The following USP8 variants were observed in gnomAD, a reference collection of about 807,000 sequenced individuals.
USP8 encodes the protein ubiquitin specific peptidase 8.
USP8 carries 27 observed loss-of-function variants against 130.0 expected under a neutral mutation model. The ratio of observed to expected loss-of-function variants is 0.21; its 90% CI spans 0.15 to 0.29. The LOEUF is 0.29. Ranked by LOEUF, USP8 falls within the 10% of genes least tolerant of loss-of-function variation. The pLI is 1.00. For synonymous variants in USP8, 392 were observed against 444.1 expected, an observed-to-expected ratio of 0.88 and a Z score of 1.48; for missense variants, 1,029 against 1,312.2, an observed-to-expected ratio of 0.78 and a Z score of 3.33.
At position 50,479,603 on chromosome 15, in the gene USP8, T is replaced by G. The variant is rs151089228; in HGVS notation, c.1219-1878T>G. On this transcript the variant is annotated intron_variant, in intron 10 of 19. Transcript: ENST00000307179. ...TGGAAACAACATTTATTTTTGTTTC[T>G]GTTCCACCTCTTATTGTTAACCTCA... Among the ~76,000 whole-genome samples the G allele has an allele frequency of 1.8e-3, 280 of 152,306 alleles. 1 individual carries two copies. The highest frequency in any genetic ancestry group is 6.4e-3 in the African/African-American group (268 of 41,564).
rs1477646576 is a variant in USP8, at chr15:50,509,013, A to G, written c.*9925A>G. On this transcript the variant is annotated 3_prime_UTR_variant, in exon 20 of 20. Transcript: ENST00000307179. Reference sequence around the variant, plus strand: ...CCTGGGCACGGTGGCGGGCGCCTGTAGTCCCAGCTACTTGGGAGGCTGAGG... The same window carrying G: ...CCTGGGCACGGTGGCGGGCGCCTGTGGTCCCAGCTACTTGGGAGGCTGAGG... 1 of 147,990 alleles carries G rather than the reference A, an allele frequency of 6.8e-6. No individual in the cohort carries two copies. Among genetic ancestry groups the G allele is most frequent in the East Asian group, 2.0e-4 (1 of 5,022 alleles). 9.2% of individuals were successfully genotyped at this position (147,990 alleles called of 1,614,324 possible).
At chr15:50,455,285 C>T (rs2050756036) in intron 4 of USP8, among the ~76,000 whole-genome samples, 1 of 151,068 alleles carries the variant, frequency 6.6e-6, no homozygotes, top group South Asian at 2.2e-4. Context: ...CACCATGTTG[C>T]CCAAACTGGT....
intron 1 of USP8, among the ~76,000 whole-genome samples, chr15:50,434,102 G>A (rs1308846007): frequency 2.1e-5 from 2 of 96,150 alleles, no homozygotes; most frequent in African/African-American, 7.2e-5. Context: ...GAAGCATAAG[G>A]TTTTTTGTTT....
chr15:50,431,448 ACTCCAT>A (rs1344955177), intron 1 of USP8, among the ~76,000 whole-genome samples: 1 of 151,872 alleles, frequency 6.6e-6, no homozygotes, highest in Non-Finnish European at 1.5e-5. Context: ...CCATAATGTG[ACTCCAT>A]CTCCTACATA....
chr15:50,428,675 A>C (rs74808657), intron 1 of USP8, among the ~76,000 whole-genome samples: 20,809 of 152,272 alleles, frequency 0.14, 1,952 homozygotes, highest in Middle Eastern at 0.28. Flanking sequence ...AACTTGTGCA[A>C]CTTGAGGTGT....
At position 50,504,534 on chromosome 15, in the gene USP8, AC is replaced by A. The variant is rs891230689; in HGVS notation, c.*5447del. 1 of 152,182 alleles carries A rather than the reference AC, an allele frequency of 6.6e-6. No individual in the cohort carries two copies. Among genetic ancestry groups the A allele is most frequent in the Non-Finnish European group, 1.5e-5 (1 of 68,086 alleles). The allele number at this position is 152,182 out of a possible 1,614,324, so 9.4% of individuals were successfully genotyped here. A position where few individuals can be genotyped will look rare whatever the true frequency, so the allele number is the denominator to read the frequency against. ...TGAGACCTTGTCTCAAAAAACAAAA[AC>A]AAAAAACACCAGAAAAGACACCATT... On this transcript the variant is annotated 3_prime_UTR_variant, in exon 20 of 20. Coordinates refer to ENST00000307179, the MANE Select transcript of USP8 (RefSeq NM_005154.5).
intron 8 of USP8, among the ~76,000 whole-genome samples, chr15:50,473,804 GTATA>G (rs943537478): frequency 1.1e-4 from 16 of 148,562 alleles, no homozygotes; most frequent in Non-Finnish European, 2.1e-4. Flanking sequence ...GGGCATCTAA[GTATA>G]TATATATATA....
intron 19 of USP8, 33 bp from the exon 20 acceptor site, chr15:50,498,870 A>AATTG (rs2052513956): frequency 1.3e-6 from 2 of 1,566,796 alleles, no homozygotes; most frequent in Non-Finnish European, 1.7e-6. Context: ...ATTTTAACTG[A>AATTG]ATTGATTTTT....
rs1270091071 is a variant in USP8, at chr15:50,477,332, A to C, written c.1051A>C (p.Thr351Pro). The change falls in exon 10 of 20, where the codon ACG (threonine) becomes CCG (proline). Residue 351 changes from threonine (T) to proline (P), a missense_variant. This residue lies in a region of USP8 where 486 missense variants were observed against 522.0 expected (regional missense o/e 0.93). Transcript: ENST00000307179. ...ESIPSKPAAQ[T>P]PPASIEVDEN... ...AATTCCTTCTAAACCTGCTGCCCAG[A>C]CGCCACCTGCATCTATAGAAGTAGA... The C allele has an allele frequency of 1.2e-6, 2 of 1,614,006 alleles. No individual in the cohort carries two copies. Among genetic ancestry groups the C allele is most frequent in the African/African-American group, 2.7e-5 (2 of 74,904 alleles).
intron 1 of USP8, among the ~76,000 whole-genome samples, chr15:50,436,373 C>A (rs2050091796): frequency 6.6e-6 from 1 of 152,014 alleles, no homozygotes; most frequent in Non-Finnish European, 1.5e-5. Flanking sequence ...TCTAGTCATA[C>A]TTAATCTTCT....
In USP8 at chr15:50,494,285, G is replaced by C; in HGVS notation, c.2658+5G>C. On this transcript the variant is annotated splice_donor_5th_base_variant and intron_variant, in intron 16 of 19. Coordinates refer to ENST00000307179, the MANE Select transcript of USP8 (RefSeq NM_005154.5). ...CTCCATGAAGATCTAAATAAAGTAA[G>C]AAATTTGATTTTTCTAAGTTGCAGA... is the stretch of plus-strand genomic sequence containing the variant. The C allele has an allele frequency of 6.3e-7, 1 of 1,591,512 alleles. No individual in the cohort carries two copies. The highest frequency in any genetic ancestry group is 1.1e-5 in the South Asian group (1 of 87,030).
intron 1 of USP8, among the ~76,000 whole-genome samples, chr15:50,436,664 A>AT (rs1283629675): frequency 1.4e-5 from 2 of 146,226 alleles, no homozygotes; most frequent in African/African-American, 5.1e-5. Flanking sequence ...TGCCCAGCTA[A>AT]TTTTTTTTGT....
intron 14 of USP8, among the ~76,000 whole-genome samples, 192 bp from the exon 15 acceptor site, chr15:50,492,509 C>T (rs111229167): frequency 6.6e-6 from 1 of 152,170 alleles, no homozygotes; most frequent in African/African-American, 2.4e-5. Context: ...AGGTCTGAGA[C>T]CTTAGTCGTA....
intron 18 of USP8, chr15:50,497,736 G>A (rs892012738): frequency 1.3e-5 from 2 of 152,050 alleles, no homozygotes; most frequent in African/African-American, 4.8e-5. Context: ...TATAAAACAC[G>A]AACCAGATCT....
At chr15:50,473,669 A>T (rs78866984) in intron 8 of USP8, among the ~76,000 whole-genome samples, 3,194 of 151,370 alleles carry the variant, frequency 0.021, 101 homozygotes, top group African/African-American at 0.073. Flanking sequence ...CTAATTTTTT[A>T]AAATTTTCTA....
In USP8 at chr15:50,449,724, G is replaced by A. The variant is rs953914418; in HGVS notation, c.335+239G>A. On this transcript the variant is annotated intron_variant, in intron 4 of 19. Transcript: ENST00000307179. ...AACCTCCCAAGTAGCTGGGACTATA[G>A]GCACCCACCACCACGCCCGGCTAAT... 9.1e-4 allele frequency among the ~76,000 whole-genome samples: 138 copies of A among 150,906 alleles called. 1 individual carries two copies. Among genetic ancestry groups the A allele is most frequent in the Non-Finnish European group, 1.7e-3 (113 of 67,848 alleles).
In USP8 at chr15:50,506,480, C is replaced by T. The variant is rs1046709878; in HGVS notation, c.*7392C>T. The stretch of plus-strand genomic sequence containing the variant: ...CGGCCCCCATCCATGGGAAAAAAAC[C>T]GCATCAGTGGAAAAATTGTCTTCCA... On this transcript the variant is annotated 3_prime_UTR_variant, in exon 20 of 20. Coordinates refer to ENST00000307179, the MANE Select transcript of USP8 (RefSeq NM_005154.5). 6.6e-6 allele frequency: 1 copy of T among 152,136 alleles called. No homozygotes were observed. Among genetic ancestry groups the T allele is most frequent in the East Asian group, 1.9e-4 (1 of 5,186 alleles). 9.4% of individuals were successfully genotyped at this position (152,136 alleles called of 1,614,324 possible). A position where few individuals can be genotyped will look rare whatever the true frequency, so the allele number is the denominator to read the frequency against.
At position 50,511,691 on chromosome 15, in the gene USP8, C is replaced by A. The variant is rs1350414028; in HGVS notation, c.*12603C>A. The A allele has an allele frequency of 6.6e-6, 1 of 152,230 alleles. No homozygotes were observed. Among genetic ancestry groups the A allele is most frequent in the African/African-American group, 2.4e-5 (1 of 41,458 alleles). 9.4% of individuals were successfully genotyped at this position (152,230 alleles called of 1,614,324 possible). A position where few individuals can be genotyped will look rare whatever the true frequency, so the allele number is the denominator to read the frequency against. ...ACAGAAGGTCATATATTCTATGATTCTGTTTATTAAAATACCCAGAATAGG... is the reference window on the plus strand; with the variant it reads ...ACAGAAGGTCATATATTCTATGATTATGTTTATTAAAATACCCAGAATAGG... On this transcript the variant is annotated 3_prime_UTR_variant, in exon 20 of 20. Transcript: ENST00000307179.
rs1440647526 is a variant in USP8 at position 50,498,637 on chromosome 15, C to T, written c.3080C>T (p.Ser1027Phe). The change falls in exon 19 of 20, where the codon TCT becomes TTT. Residue 1027 changes from serine (S) to phenylalanine (F), a missense_variant. Ser to Phe is a radical substitution (Grantham distance 155). Coordinates refer to ENST00000307179, the MANE Select transcript of USP8 (RefSeq NM_005154.5). ...DGRWKQKLQT[S>F]VDFPLENLDL... The stretch of plus-strand genomic sequence containing the variant: ...AGGTGGAAACAAAAATTACAGACAT[C>T]TGTGGACTTCCCGTTAGAAAATCTT... 6.2e-7 allele frequency: 1 copy of T among 1,612,632 alleles called. No individual in the cohort carries two copies. The highest frequency in any genetic ancestry group is 1.7e-5 in the Admixed American group (1 of 59,932).
Sources: gnomAD v4.1 joint callset for allele counts (sites outside exome capture counted in the v4.1 genomes callset) on GRCh38, gnomAD v4.1.1 for gene constraint, gnomAD v4.1.1 regional missense constraint, MANE v1.5 for transcripts, NCBI Gene and HGNC (gene_info 2026-07-23, HGNC 2026-07-21) for gene names.